The following WNK2 variants were observed in gnomAD, a reference collection of about 807,000 sequenced individuals.
WNK2 encodes the protein serine/threonine-protein kinase WNK2.
A neutral mutation model predicts 192.1 loss-of-function variants in WNK2; 67 were observed. That is an observed-to-expected ratio of 0.35 (90% CI 0.29 to 0.43). WNK2 has a LOEUF of 0.43. Among genes scored for constraint, WNK2 ranks in the 20% least tolerant of loss-of-function variants. The pLI is 1.00. For missense variants in WNK2, 2,698 were observed against 3,089.7 expected (o/e 0.87, Z 3.01); for synonymous variants, 1,439 against 1,393.9 (o/e 1.03, Z -0.72).
intron 4 of WNK2, among the ~76,000 whole-genome samples, chr9:93,234,000 C>T (rs1373738591): frequency 6.6e-6 from 1 of 152,136 alleles, no homozygotes; most frequent in Non-Finnish European, 1.5e-5. Flanking sequence ...AACCCCAGAC[C>T]AATATAAGTA....
intron 9 of WNK2, among the ~76,000 whole-genome samples, 179 bp from the exon 10 acceptor site, chr9:93,256,120 C>T (rs1390591765): frequency 1.3e-5 from 2 of 152,286 alleles, no homozygotes; most frequent in African/African-American, 4.8e-5. Context: ...TGTTCCTGGC[C>T]CTTCACTGTT....
intron 28 of WNK2, among the ~76,000 whole-genome samples, chr9:93,311,613 T>TTGTTTGTGTGTGTG (rs71511653): frequency 3.1e-4 from 45 of 146,188 alleles, no homozygotes; most frequent in Middle Eastern, 3.5e-3. Context: ...GTTTTTTTGT[T>TTGTTTGTGTGTGTG]TGTGTGTGTG....
intron 2 of WNK2, among the ~76,000 whole-genome samples, chr9:93,214,702 C>A (rs905734187): frequency 9.9e-6 from 1 of 101,294 alleles, no homozygotes; most frequent in Admixed American, 1.1e-4. Context: ...GTAGTGCCCC[C>A]CCCCCCCCCG....
chr9:93,319,210 A>AGTGT, intron 29 of WNK2: 4 of 1,611,986 alleles, frequency 2.5e-6, no homozygotes, highest in Non-Finnish European at 3.4e-6. Flanking sequence ...GCTCGAAAAC[A>AGTGT]GTGTGAAACA....
chr9:93,309,989 G>A (rs1024515376), intron 28 of WNK2, among the ~76,000 whole-genome samples: 9 of 152,164 alleles, frequency 5.9e-5, no homozygotes, highest in African/African-American at 1.4e-4. Context: ...GTGTGTTTTC[G>A]TGTGGCTGCA....
chr9:93,305,572 AAC>A lies in WNK2; in HGVS notation c.6215-1203_6215-1202del, dbSNP rs1164664901. Among the ~76,000 whole-genome samples the A allele has an allele frequency of 6.6e-5, 10 of 152,354 alleles. No homozygotes were observed. In the East Asian group the frequency reaches 1.5e-3, roughly 23 times the overall value. Reference sequence around the variant, plus strand: ...TCACCTTTCCCCACACTAGCTCAGGAACAGACAGAATGGACTAAAAATAGTTG... The same window carrying A: ...TCACCTTTCCCCACACTAGCTCAGGAAGACAGAATGGACTAAAAATAGTTG... On this transcript the variant is annotated intron_variant, in intron 26 of 29. Coordinates refer to ENST00000427277, the MANE Select transcript of WNK2 (RefSeq NM_006648.4).
At chr9:93,301,775 C>T (rs935817849) in intron 26 of WNK2, among the ~76,000 whole-genome samples, 3 of 152,202 alleles carry the variant, frequency 2.0e-5, no homozygotes, top group African/African-American at 7.2e-5. Context: ...GTGTTAGTGT[C>T]AGGTATGGCG....
chr9:93,190,252 GCC>G (rs1380826508), intron 2 of WNK2, among the ~76,000 whole-genome samples: 3 of 152,160 alleles, frequency 2.0e-5, no homozygotes, highest in African/African-American at 7.2e-5. Flanking sequence ...TGGTGCTTCT[GCC>G]CCCCGAGTGG....
At chr9:93,317,143 A>C in intron 28 of WNK2, 2 of 331,862 alleles carry the variant, frequency 6.0e-6, no homozygotes, top group Non-Finnish European at 1.1e-5. Flanking sequence ...TGGGTGGTTC[A>C]TGCTCCTGTG....
intron 28 of WNK2, chr9:93,317,211 G>A (rs1854848839): frequency 2.0e-6 from 1 of 496,302 alleles, no homozygotes; most frequent in Non-Finnish European, 3.7e-6. Context: ...GGCATGTGGG[G>A]TCACTCATGC....
chr9:93,186,010 G>C (rs1278489359), intron 2 of WNK2, among the ~76,000 whole-genome samples: 1 of 152,212 alleles, frequency 6.6e-6, no homozygotes, highest in Non-Finnish European at 1.5e-5. Flanking sequence ...TTGCAAAACA[G>C]TGTGGAGGCT....
At position 93,292,902 on chromosome 9, in the gene WNK2, G is replaced by T; in HGVS notation, c.5437G>T (p.Gly1813Cys). ...EPVSSDSGDEGPRARPPVQKQ... is the reference protein window; with the variant it reads ...EPVSSDSGDECPRARPPVQKQ... ...CGTGTCCAGCGACTCTGGGGACGAG[G>T]GCCCTCGGGCGAGACCCCCGGTGCA... The change falls in exon 23 of 30, where the codon GGC (glycine) becomes TGC (cysteine). Residue 1813 changes from glycine (G) to cysteine (C), a missense_variant. Around this residue, in one of 7 missense-constraint regions of WNK2, gnomAD observed 1,098 missense variants for 1,101.0 expected, o/e 1.00. Coordinates refer to ENST00000427277, the MANE Select transcript of WNK2 (RefSeq NM_006648.4). 1 of 1,520,350 alleles carries T rather than the reference G, an allele frequency of 6.6e-7. No homozygotes were observed. The highest frequency in any genetic ancestry group is 8.8e-7 in the Non-Finnish European group (1 of 1,134,314). 94.2% of individuals were successfully genotyped at this position (1,520,350 alleles called of 1,614,324 possible).
At chr9:93,272,738 C>CAAA (rs35641750) in intron 19 of WNK2, among the ~76,000 whole-genome samples, 34,845 of 90,764 alleles carry the variant, frequency 0.38, 8,589 homozygotes, top group South Asian at 0.6. Context: ...AACTCCGTCT[C>CAAA]AAAAAAAAAA....
At position 93,184,249 on chromosome 9, in the gene WNK2, G is replaced by T. The variant is rs971283863; in HGVS notation, c.-139G>T. Among the ~76,000 whole-genome samples the T allele has an allele frequency of 3.3e-5, 5 of 150,968 alleles. No homozygotes were observed. The East Asian group carries it at 9.8e-4, about 30-fold the overall frequency. Reference sequence around the variant, plus strand: ...CCCGGCCCGAGAGAGCAGCGCGCAGGAGCTGGAGCGGCGCCACGGCCCCCA... The same window carrying T: ...CCCGGCCCGAGAGAGCAGCGCGCAGTAGCTGGAGCGGCGCCACGGCCCCCA... On this transcript the variant is annotated 5_prime_UTR_variant, in exon 1 of 30. Coordinates refer to ENST00000427277, the MANE Select transcript of WNK2 (RefSeq NM_006648.4).
intron 2 of WNK2, among the ~76,000 whole-genome samples, chr9:93,205,763 C>T (rs541018002): frequency 5.3e-5 from 8 of 152,258 alleles, no homozygotes; most frequent in East Asian, 1.9e-4. Context: ...CTCTGGGGGA[C>T]GTGGTGTTAA....
intron 29 of WNK2, chr9:93,318,970 A>G: frequency 6.9e-7 from 1 of 1,459,280 alleles, no homozygotes; most frequent in Non-Finnish European, 9.0e-7. Context: ...CCATCAATTC[A>G]GTTAGAATTG....
At chr9:93,249,940 A>G (rs1476599160) in intron 8 of WNK2, among the ~76,000 whole-genome samples, 5 of 123,846 alleles carry the variant, frequency 4.0e-5, no homozygotes, top group African/African-American at 1.6e-4. Context: ...TTTTAAAGAC[A>G]GTCTCGCTCT....
At chr9:93,258,412 G>T (rs1223539976) in intron 11 of WNK2, among the ~76,000 whole-genome samples, 1 of 152,244 alleles carries the variant, frequency 6.6e-6, no homozygotes, top group Non-Finnish European at 1.5e-5. Flanking sequence ...TGAAAAGTCA[G>T]GTTTCAACTT....
At position 93,254,708 on chromosome 9, in the gene WNK2, A is replaced by G. The variant is rs372146252; in HGVS notation, c.2035-1591A>G. Among the ~76,000 whole-genome samples, 15 of 152,336 alleles carry G rather than the reference A, an allele frequency of 9.8e-5. No individual in the cohort carries two copies. In the South Asian group the frequency reaches 2.9e-3, roughly 29 times the overall value. ...GCTGAACGTGGTGGCTCATGCCTGT[A>G]ATCCTAGCATTTTGGGAGCCGAAGG... On this transcript the variant is annotated intron_variant, in intron 9 of 29. Coordinates refer to ENST00000427277, the MANE Select transcript of WNK2 (RefSeq NM_006648.4).
Sources: gnomAD v4.1 joint callset for allele counts (sites outside exome capture counted in the v4.1 genomes callset) on GRCh38, gnomAD v4.1.1 for gene constraint, gnomAD v4.1.1 regional missense constraint, MANE v1.5 for transcripts, NCBI Gene and HGNC (gene_info 2026-07-23, HGNC 2026-07-21) for gene names.